RBPMS: variants seen among roughly 807,000 people sequenced by gnomAD.
RBPMS encodes RNA binding protein, mRNA processing factor.
RBPMS carries 7 observed loss-of-function variants against 26.8 expected under a neutral mutation model. The observed-to-expected ratio is 0.26, with a 90% CI of 0.15 to 0.49. The LOEUF (loss-of-function observed/expected upper bound fraction) is 0.49, where lower values mean the gene tolerates loss of function less well. Ranked by LOEUF, RBPMS falls within the 20% of genes least tolerant of loss-of-function variation. The pLI is 0.98. For missense variants in RBPMS, 186 were observed against 250.0 expected, an observed-to-expected ratio of 0.74 and a Z score of 1.73; for synonymous variants, 96 against 93.3, an observed-to-expected ratio of 1.03 and a Z score of -0.17.
At chr8:30,425,004 G>A (rs1811194365) in intron 1 of RBPMS, among the ~76,000 whole-genome samples, 1 of 152,106 alleles carries the variant, frequency 6.6e-6, no homozygotes, top group South Asian at 2.1e-4. Context: ...CACCCAGGCT[G>A]GAGTGCAGTG....
intron 2 of RBPMS, 34 bp from the exon 3 acceptor site, chr8:30,477,765 C>T (rs1289801016): frequency 6.6e-7 from 1 of 1,523,576 alleles, no homozygotes; most frequent in African/African-American, 1.4e-5. Context: ...ACTACAGTTA[C>T]TTTTGGCTAA....
chr8:30,503,510 C>T (rs1474946808), intron 4 of RBPMS, among the ~76,000 whole-genome samples: 1 of 151,578 alleles, frequency 6.6e-6, no homozygotes, highest in South Asian at 2.1e-4. Flanking sequence ...CCACTCGCCT[C>T]GGCCTCCCAA....
chr8:30,468,461 C>G (rs114640483), intron 1 of RBPMS, among the ~76,000 whole-genome samples: 1,631 of 152,106 alleles, frequency 0.011, 33 homozygotes, highest in African/African-American at 0.036. Flanking sequence ...TCCTGACAAA[C>G]ACATATAGGT....
intron 5 of RBPMS, among the ~76,000 whole-genome samples, chr8:30,509,776 A>G (rs1226602892): frequency 6.6e-6 from 1 of 152,206 alleles, no homozygotes; most frequent in East Asian, 1.9e-4. Flanking sequence ...GACACAAGGG[A>G]ATGACTAAAA....
chr8:30,543,169 C>T (rs932832403), intron 5 of RBPMS, among the ~76,000 whole-genome samples: 2 of 152,172 alleles, frequency 1.3e-5, no homozygotes, highest in African/African-American at 2.4e-5. Flanking sequence ...GCCCTCTGAA[C>T]GTATCATCAG....
intron 5 of RBPMS, among the ~76,000 whole-genome samples, chr8:30,525,653 G>A (rs1056794876): frequency 1.9e-4 from 29 of 152,212 alleles, no homozygotes; most frequent in Admixed American, 1.4e-3. Context: ...ACTCCTTTCA[G>A]TGAATCAGTA....
intron 1 of RBPMS, among the ~76,000 whole-genome samples, chr8:30,470,155 G>A (rs578179100): frequency 1.2e-4 from 18 of 151,830 alleles, no homozygotes; most frequent in South Asian, 4.2e-4. Context: ...AGGCCAAGAC[G>A]GGCAGATCAC....
rs1023783347 is a variant in RBPMS, at chr8:30,570,723, A to ATAAT, written c.*203_*206dup. 6.6e-6 allele frequency: 1 copy of ATAAT among 152,670 alleles called. No homozygotes were observed. The highest frequency in any genetic ancestry group is 2.4e-5 in the African/African-American group (1 of 41,466). The allele number at this position is 152,670 out of a possible 1,614,324, so 9.5% of individuals were successfully genotyped here. A position where few individuals can be genotyped will look rare whatever the true frequency, so the allele number is the denominator to read the frequency against. ...ATCTGTTTTTCTCGAAGAAAAAAAT[A>ATAAT]TAATTAATAAAAATGTTTTACTCTT... is the stretch of plus-strand genomic sequence containing the variant. On this transcript the variant is annotated 3_prime_UTR_variant, in exon 9 of 9. Transcript: ENST00000397323.
intron 4 of RBPMS, among the ~76,000 whole-genome samples, chr8:30,494,512 G>C (rs901642792): frequency 1.7e-4 from 26 of 152,140 alleles, no homozygotes; most frequent in African/African-American, 4.8e-5. Context: ...TTACAGCAGA[G>C]GACTGAGACA....
At chr8:30,549,772 T>TCTCTCTCTCTCTC (rs1554543821) in intron 6 of RBPMS, among the ~76,000 whole-genome samples, 1 of 71,214 alleles carries the variant, frequency 1.4e-5, no homozygotes, top group African/African-American at 7.5e-5. Flanking sequence ...TTTTCTTTTC[T>TCTCTCTCTCTCTC]TCTCTCTCTC....
chr8:30,470,244 C>T (rs1816944839), intron 1 of RBPMS, among the ~76,000 whole-genome samples: 1 of 151,990 alleles, frequency 6.6e-6, no homozygotes, highest in South Asian at 2.1e-4. Context: ...ATTAGCTGAG[C>T]GTGGTGGTGG....
chr8:30,536,056 T>A lies in RBPMS; in HGVS notation c.398-8438T>A, dbSNP rs182227403. Among the ~76,000 whole-genome samples, 5 of 151,804 alleles carry A rather than the reference T, an allele frequency of 3.3e-5. No homozygotes were observed. The East Asian group carries it at 9.7e-4, about 29-fold the overall frequency. Reference sequence around the variant, plus strand: ...CATGCGCTATGCTAGGTACTGGAGATACAGCAGTAAGCACAACAGACACAG... The same window carrying A: ...CATGCGCTATGCTAGGTACTGGAGAAACAGCAGTAAGCACAACAGACACAG... On this transcript the variant is annotated intron_variant, in intron 5 of 8. Transcript: ENST00000397323.
At chr8:30,557,594 T>A (rs1322044423) in intron 6 of RBPMS, among the ~76,000 whole-genome samples, 1 of 152,204 alleles carries the variant, frequency 6.6e-6, no homozygotes, top group Non-Finnish European at 1.5e-5. Context: ...TCAGCCAGAA[T>A]GGCTCTTGCT....
At chr8:30,418,916 C>T (rs1278065968) in intron 1 of RBPMS, among the ~76,000 whole-genome samples, 2 of 152,020 alleles carry the variant, frequency 1.3e-5, no homozygotes, top group African/African-American at 4.8e-5. Context: ...CCTTGGCACT[C>T]TTTATACGTT....
At chr8:30,477,938 G>T in intron 3 of RBPMS, 101 bp downstream of exon 3, 2 of 809,326 alleles carry the variant, frequency 2.5e-6, no homozygotes, top group Non-Finnish European at 4.1e-6. Flanking sequence ...GAATTTGAGG[G>T]GTTTTTTGTC....
intron 8 of RBPMS, among the ~76,000 whole-genome samples, chr8:30,568,056 C>T (rs1051047113): frequency 6.6e-6 from 1 of 152,214 alleles, no homozygotes; most frequent in Non-Finnish European, 1.5e-5. Flanking sequence ...GACCATGCCC[C>T]TAGAGGCTCC....
chr8:30,410,293 G>A (rs1179212115), intron 1 of RBPMS, among the ~76,000 whole-genome samples: 1 of 151,922 alleles, frequency 6.6e-6, no homozygotes, highest in Non-Finnish European at 1.5e-5. Context: ...TGCAACCTCA[G>A]CCTCTCCTGG....
intron 1 of RBPMS, among the ~76,000 whole-genome samples, chr8:30,471,059 G>A (rs1817040537): frequency 2.0e-5 from 3 of 151,994 alleles, no homozygotes; most frequent in African/African-American, 2.4e-5. Flanking sequence ...TAAACTTACA[G>A]TATTTAATGC....
At chr8:30,427,507 C>T (rs1321242565) in intron 1 of RBPMS, among the ~76,000 whole-genome samples, 5 of 152,206 alleles carry the variant, frequency 3.3e-5, no homozygotes, top group Non-Finnish European at 5.9e-5. Flanking sequence ...GGAATGCCTG[C>T]TCGTCTTTCA....
Sources: gnomAD v4.1 joint callset for allele counts (sites outside exome capture counted in the v4.1 genomes callset) on GRCh38, gnomAD v4.1.1 for gene constraint, MANE v1.5 for transcripts, NCBI Gene and HGNC (gene_info 2026-07-23, HGNC 2026-07-21) for gene names.